Variants in ADGRB3 observed in about 807,000 individuals in gnomAD.
ADGRB3 encodes the protein adhesion G protein-coupled receptor B3.
Under a neutral mutation model 193.4 loss-of-function variants are expected in ADGRB3, and 37 were observed. The observed-to-expected ratio is 0.19, with a 90% CI of 0.15 to 0.25. The LOEUF (loss-of-function observed/expected upper bound fraction) is 0.25. Ranked by LOEUF, ADGRB3 falls within the 10% of genes least tolerant of loss-of-function variation. The probability of loss-of-function intolerance (pLI) is 1.00; values close to 1 mark genes in which losing one functional copy is unlikely to be tolerated. For missense variants in ADGRB3, 1,637 were observed against 1,852.9 expected (o/e 0.88, Z 2.14); for synonymous variants, 690 against 644.2 (o/e 1.07, Z -1.08).
chr6:68,854,411 A>G (rs1395391829), intron 3 of ADGRB3, among the ~76,000 whole-genome samples: 4 of 152,172 alleles, frequency 2.6e-5, no homozygotes, highest in Non-Finnish European at 4.4e-5. Flanking sequence ...AATGATAACT[A>G]TGTGAGATAA....
At chr6:69,233,552 G>C (rs1766199564) in intron 18 of ADGRB3, 136 bp downstream of exon 18, 18 of 1,110,384 alleles carry the variant, frequency 1.6e-5, no homozygotes, top group Non-Finnish European at 2.3e-5. Context: ...CTCCTCCTTA[G>C]CTATAGTAGC....
chr6:68,664,884 T>C (rs1432917292), intron 3 of ADGRB3, among the ~76,000 whole-genome samples: 1 of 151,832 alleles, frequency 6.6e-6, no homozygotes, highest in African/African-American at 2.4e-5. Context: ...AGAGTGTGGC[T>C]GACAGTGAGT....
At chr6:69,100,825 A>AG (rs1773011977) in intron 17 of ADGRB3, among the ~76,000 whole-genome samples, 1 of 16,156 alleles carries the variant, frequency 6.2e-5, no homozygotes, top group African/African-American at 1.7e-4. Flanking sequence ...AAGGAAGGAA[A>AG]GAAGGAAGGA....
chr6:68,810,621 G>A (rs1297983345), intron 3 of ADGRB3, among the ~76,000 whole-genome samples: 4 of 152,136 alleles, frequency 2.6e-5, no homozygotes, highest in African/African-American at 7.2e-5. Flanking sequence ...GATTTTGAGT[G>A]TTCTTTATGG....
chr6:68,666,790 A>T lies in ADGRB3; in HGVS notation c.757+27358A>T, dbSNP rs1582109560. Among the ~76,000 whole-genome samples, 3 of 151,938 alleles carry T rather than the reference A, an allele frequency of 2.0e-5. No individual in the cohort carries two copies. In the East Asian group the frequency reaches 5.8e-4, roughly 30 times the overall value. Reference sequence around the variant, plus strand: ...TGAACTTAATAAATGTAGTTGGATGACTTACCCTAAAAAAAGAAATGATAA... The same window carrying T: ...TGAACTTAATAAATGTAGTTGGATGTCTTACCCTAAAAAAAGAAATGATAA... On this transcript the variant is annotated intron_variant, in intron 3 of 31. Transcript: ENST00000370598.
At chr6:69,324,635 T>C (rs1768529897) in intron 20 of ADGRB3, among the ~76,000 whole-genome samples, 1 of 152,194 alleles carries the variant, frequency 6.6e-6, no homozygotes, top group African/African-American at 2.4e-5. Context: ...TCAGGGTTCT[T>C]CTCATAAAAA....
chr6:68,664,132 G>A (rs1204424797), intron 3 of ADGRB3, among the ~76,000 whole-genome samples: 1 of 151,696 alleles, frequency 6.6e-6, no homozygotes, highest in Admixed American at 6.6e-5. Flanking sequence ...ATTTCTCATA[G>A]CATCCTACAT....
At chr6:68,984,465 A>G (rs541482624) in intron 10 of ADGRB3, among the ~76,000 whole-genome samples, 1 of 152,250 alleles carries the variant, frequency 6.6e-6, no homozygotes, top group Non-Finnish European at 1.5e-5. Flanking sequence ...TAATTTCTGG[A>G]CAGGAAATAA....
Position 68,761,906 on chromosome 6 carries a change from A to G in ADGRB3, c.757+122474A>G, listed in dbSNP as rs116285868. On this transcript the variant is annotated intron_variant, in intron 3 of 31. Coordinates refer to ENST00000370598, the MANE Select transcript of ADGRB3 (RefSeq NM_001704.3). ...TAACTGAGAAGTGTTGTATGTGACCATTATATTGTCTAGTATTTTCTATAA... is the reference window on the plus strand; with the variant it reads ...TAACTGAGAAGTGTTGTATGTGACCGTTATATTGTCTAGTATTTTCTATAA... Among the ~76,000 whole-genome samples, 286 of 152,286 alleles carry G rather than the reference A, an allele frequency of 1.9e-3. 3 individuals are homozygous for G. The highest frequency in any genetic ancestry group is 6.6e-3 in the African/African-American group (276 of 41,576).
chr6:68,698,818 T>C (rs1469876674), intron 3 of ADGRB3, among the ~76,000 whole-genome samples: 2 of 152,084 alleles, frequency 1.3e-5, no homozygotes, highest in Non-Finnish European at 2.9e-5. Flanking sequence ...GTGATTTCTA[T>C]GAAAGACACA....
At chr6:68,940,429 G>T (rs957528031) in intron 5 of ADGRB3, among the ~76,000 whole-genome samples, 13 of 151,664 alleles carry the variant, frequency 8.6e-5, no homozygotes, top group African/African-American at 3.2e-4. Context: ...TATGTCTCTA[G>T]TCATTGCCAA....
At chr6:69,234,399 A>G (rs1364906992) in intron 18 of ADGRB3, among the ~76,000 whole-genome samples, 1 of 151,706 alleles carries the variant, frequency 6.6e-6, no homozygotes, top group Admixed American at 6.6e-5. Flanking sequence ...TGTCATAATT[A>G]TCTCCACATA....
intron 3 of ADGRB3, among the ~76,000 whole-genome samples, chr6:68,886,110 G>T (rs1765899571): frequency 6.6e-6 from 1 of 152,182 alleles, no homozygotes; most frequent in East Asian, 1.9e-4. Context: ...CAATTTGCTT[G>T]TTACAGTAAT....
chr6:69,278,990 T>C (rs1044286310), intron 20 of ADGRB3, among the ~76,000 whole-genome samples: 3 of 149,298 alleles, frequency 2.0e-5, no homozygotes, highest in Non-Finnish European at 3.0e-5. Context: ...TTTTGATCTT[T>C]GCATTCCTAT....
intron 3 of ADGRB3, among the ~76,000 whole-genome samples, chr6:68,885,992 CA>C (rs1765896528): frequency 6.6e-6 from 1 of 151,994 alleles, no homozygotes; most frequent in South Asian, 2.1e-4. Context: ...AACAAAAAGA[CA>C]AGATTGGGTA....
intron 3 of ADGRB3, among the ~76,000 whole-genome samples, chr6:68,878,333 TA>T (rs1165469165): frequency 2.0e-5 from 3 of 152,114 alleles, no homozygotes; most frequent in Non-Finnish European, 2.9e-5. Flanking sequence ...TCCTAAAGAC[TA>T]ATGTGTATTT....
intron 17 of ADGRB3, among the ~76,000 whole-genome samples, chr6:69,224,153 C>T (rs1765958275): frequency 6.6e-6 from 1 of 151,586 alleles, no homozygotes; most frequent in Non-Finnish European, 1.5e-5. Context: ...CTAAATGTAT[C>T]ATATTTGAGA....
intron 20 of ADGRB3, among the ~76,000 whole-genome samples, chr6:69,316,255 A>G (rs1768308543): frequency 6.6e-6 from 1 of 151,474 alleles, no homozygotes; most frequent in Admixed American, 6.6e-5. Context: ...TTCATACTCT[A>G]AGAAACTCAT....
intron 17 of ADGRB3, among the ~76,000 whole-genome samples, chr6:69,168,603 C>T (rs916749242): frequency 3.3e-5 from 5 of 152,004 alleles, no homozygotes; most frequent in Admixed American, 2.6e-4. Flanking sequence ...TAGTCAGTCT[C>T]TCACTGATTA....
Sources: gnomAD v4.1 joint callset for allele counts (sites outside exome capture counted in the v4.1 genomes callset) on GRCh38, gnomAD v4.1.1 for gene constraint, MANE v1.5 for transcripts, NCBI Gene and HGNC (gene_info 2026-07-23, HGNC 2026-07-21) for gene names.